The following CNN1 variants were observed in gnomAD, a reference collection of about 807,000 sequenced individuals.
CNN1 encodes calponin 1.
In CNN1, 21 loss-of-function variants were observed where a neutral mutation model predicts 35.3. The ratio of observed to expected loss-of-function variants is 0.60; its 90% CI spans 0.42 to 0.86. CNN1 has a LOEUF of 0.86. CNN1 is among the 40% of genes least tolerant of loss of function. The pLI, the probability that CNN1 is intolerant of heterozygous loss-of-function variation, is 0.00. For missense variants in CNN1, 314 were observed against 400.8 expected, an observed-to-expected ratio of 0.78 and a Z score of 1.85; for synonymous variants, 164 against 161.8, an observed-to-expected ratio of 1.01 and a Z score of -0.10.
In CNN1 at chr19:11,538,921, GGCCAGCATGTCCTCTGCTCACTTCAAC is replaced by G; in HGVS notation, c.-6_21del. The G allele has an allele frequency of 6.4e-7, 1 of 1,561,720 alleles. No individual in the cohort carries two copies. Among genetic ancestry groups the G allele is most frequent in the South Asian group, 1.2e-5 (1 of 85,086 alleles). Reference sequence around the variant, plus strand: ...GCCACTGCCCCCGCCAGAGCCCACCGGCCAGCATGTCCTCTGCTCACTTCAACCGAGGCCCTGCCTACGGGCTGTCAG... The same window carrying G: ...GCCACTGCCCCCGCCAGAGCCCACCGCGAGGCCCTGCCTACGGGCTGTCAG... On this transcript the variant is annotated start_lost and 5_prime_UTR_variant, in exon 1 of 7. Coordinates refer to ENST00000252456, the MANE Select transcript of CNN1 (RefSeq NM_001299.6).
At chr19:11,546,536 A>G (rs961067211) in intron 2 of CNN1, 139 bp from the exon 3 acceptor site, 20 of 811,498 alleles carry the variant, frequency 2.5e-5, no homozygotes, top group Non-Finnish European at 3.0e-5. Flanking sequence ...GGGTTTCACC[A>G]TGTTGGCCAG....
chr19:11,544,142 G>C (rs754657356), intron 2 of CNN1, among the ~76,000 whole-genome samples: 3 of 151,746 alleles, frequency 2.0e-5, no homozygotes, highest in African/African-American at 7.3e-5. Context: ...ATTTGTGGTC[G>C]TAAGTGTCCT....
chr19:11,544,557 G>A (rs986518994), intron 2 of CNN1, among the ~76,000 whole-genome samples: 19 of 151,856 alleles, frequency 1.3e-4, no homozygotes, highest in East Asian at 7.8e-4. Context: ...CTACAGCCTC[G>A]ACTTCCTAGG....
At chr19:11,540,747 GT>G in intron 1 of CNN1, 1 of 229,048 alleles carries the variant, frequency 4.4e-6, no homozygotes, top group African/African-American at 2.3e-5. Context: ...GAAGCCCCAA[GT>G]TTGGCCTGGG....
chr19:11,539,297 G>A, intron 1 of CNN1: 2 of 1,155,892 alleles, frequency 1.7e-6, no homozygotes, highest in African/African-American at 1.6e-5. Flanking sequence ...CAACATAGGG[G>A]GAAGACTTGT....
chr19:11,543,058 ACT>A (rs1972500300), intron 2 of CNN1, among the ~76,000 whole-genome samples: 1 of 152,118 alleles, frequency 6.6e-6, no homozygotes, highest in Non-Finnish European at 1.5e-5. Flanking sequence ...ATTCCCATCC[ACT>A]AGGAACAAGG....
At chr19:11,546,636 G>A (rs1239861416) in intron 2 of CNN1, 39 bp from the exon 3 acceptor site, 2 of 1,611,044 alleles carry the variant, frequency 1.2e-6, no homozygotes, top group East Asian at 2.2e-5. Context: ...GCCCAACCCT[G>A]GGGGGACACC....
chr19:11,545,463 A>G (rs1302852937), intron 2 of CNN1, among the ~76,000 whole-genome samples: 1 of 115,320 alleles, frequency 8.7e-6, no homozygotes. Flanking sequence ...CTGAGCACCT[A>G]GAAGGGGGCA....
Position 11,541,105 on chromosome 19 carries a change from G to A in CNN1, c.93G>A (p.Glu31=). ...CCCAGAAGTATGACCACCAGCGGGA[G>A]CAGGAGCTGAGAGAGTGGATCGAGG... ...KLAQKYDHQR[E]QELREWIEGV... The change falls in exon 2 of 7, where the codon GAG becomes GAA. Residue 31 remains glutamate, a synonymous_variant. Coordinates refer to ENST00000252456, the MANE Select transcript of CNN1 (RefSeq NM_001299.6). 1 of 1,611,590 alleles carries A rather than the reference G, an allele frequency of 6.2e-7. No homozygotes were observed. Among genetic ancestry groups the A allele is most frequent in the Non-Finnish European group, 8.5e-7 (1 of 1,178,754 alleles).
chr19:11,541,770 T>A (rs572605149), intron 2 of CNN1, among the ~76,000 whole-genome samples: 35 of 151,802 alleles, frequency 2.3e-4, no homozygotes, highest in African/African-American at 8.5e-4. Context: ...TGTATTTTTT[T>A]AAAGTAGAGA....
At position 11,538,879 on chromosome 19, in the gene CNN1, T is replaced by C; in HGVS notation, c.-49T>C. 1 of 1,461,238 alleles carries C rather than the reference T, an allele frequency of 6.8e-7. No individual in the cohort carries two copies. Among genetic ancestry groups the C allele is most frequent in the Non-Finnish European group, 9.2e-7 (1 of 1,092,148 alleles). 90.5% of individuals were successfully genotyped at this position (1,461,238 alleles called of 1,614,324 possible). On this transcript the variant is annotated 5_prime_UTR_variant, in exon 1 of 7. Transcript: ENST00000252456. Reference sequence around the variant, plus strand: ...GACGGAACTTCAGCCGCTGCCTCTGTTCTCAGCGTCAGTGCCGCCACTGCC... The same window carrying C: ...GACGGAACTTCAGCCGCTGCCTCTGCTCTCAGCGTCAGTGCCGCCACTGCC...
chr19:11,539,783 C>T (rs753701522), intron 1 of CNN1: 1 of 1,035,118 alleles, frequency 9.7e-7, no homozygotes. Context: ...GGGTTGGAAC[C>T]TGGGTCGAGG....
intron 1 of CNN1, 140 bp downstream of exon 1, chr19:11,539,130 G>C: frequency 9.3e-7 from 1 of 1,071,962 alleles, no homozygotes; most frequent in South Asian, 2.1e-5. Context: ...TATGGGATAG[G>C]GGCTGCCTGT....
At chr19:11,547,714 A>G in intron 4 of CNN1, 83 bp from the exon 5 acceptor site, 1 of 1,137,454 alleles carries the variant, frequency 8.8e-7, no homozygotes, top group Non-Finnish European at 1.3e-6. Context: ...CTCTGTGTCA[A>G]CAACAACAAA....
intron 1 of CNN1, 132 bp downstream of exon 1, chr19:11,539,122 TG>T (rs1972403156): frequency 1.9e-6 from 2 of 1,075,338 alleles, no homozygotes; most frequent in Non-Finnish European, 2.5e-6. Context: ...GGGAGTGATA[TG>T]GGATAGGGGC....
At chr19:11,547,716 A>G (rs1972621209) in intron 4 of CNN1, 81 bp from the exon 5 acceptor site, 2 of 1,167,760 alleles carry the variant, frequency 1.7e-6, no homozygotes, top group African/African-American at 1.5e-5. Flanking sequence ...CTGTGTCAAC[A>G]ACAACAAAAA....
Position 11,547,751 on chromosome 19 carries a change from G to T in CNN1, c.391-46G>T, listed in dbSNP as rs768763646. On this transcript the variant is annotated intron_variant, in intron 4 of 6. Coordinates refer to ENST00000252456, the MANE Select transcript of CNN1 (RefSeq NM_001299.6). ...AAACAGTGTCCAAGGGGACTGTGCA[G>T]CCTGGAGGCCCCCTTGTCAGTCCCT... The T allele has an allele frequency of 1.1e-5, 16 of 1,523,646 alleles. No homozygotes were observed. The South Asian group carries it at 1.6e-4, about 15-fold the overall frequency. The allele number at this position is 1,523,646 out of a possible 1,614,324, so 94.4% of individuals were successfully genotyped here.
intron 2 of CNN1, among the ~76,000 whole-genome samples, chr19:11,543,782 CAAAAAAA>C (rs1158001002): frequency 2.0e-5 from 1 of 51,002 alleles, no homozygotes; most frequent in Admixed American, 2.0e-4. Flanking sequence ...GACTCCGTCT[CAAAAAAA>C]AAAAAAAAAA....
chr19:11,547,564 T>C (rs1231561929), intron 4 of CNN1, among the ~76,000 whole-genome samples: 1 of 151,854 alleles, frequency 6.6e-6, no homozygotes, highest in Non-Finnish European at 1.5e-5. Flanking sequence ...CAAAACAAAA[T>C]TAGCCGGGCA....
Sources: gnomAD v4.1 joint callset for allele counts (sites outside exome capture counted in the v4.1 genomes callset) on GRCh38, gnomAD v4.1.1 for gene constraint, MANE v1.5 for transcripts, NCBI Gene and HGNC (gene_info 2026-07-23, HGNC 2026-07-21) for gene names.